Variants in ZFHX3 observed in about 807,000 individuals in gnomAD.
ZFHX3 encodes zinc finger homeobox protein 3.
Under a neutral mutation model 279.1 loss-of-function variants are expected in ZFHX3, and 42 were observed. That is an observed-to-expected ratio of 0.15 (90% CI 0.12 to 0.19). The LOEUF (loss-of-function observed/expected upper bound fraction) is 0.19. Among genes scored for constraint, ZFHX3 ranks in the 10% least tolerant of loss-of-function variants. The pLI, the probability that ZFHX3 is intolerant of heterozygous loss-of-function variation, is 1.00. For missense variants in ZFHX3, 4,981 were observed against 4,754.0 expected (o/e 1.05, Z -1.40); for synonymous variants, 2,293 against 1,957.8 (o/e 1.17, Z -4.52).
intron 4 of ZFHX3, among the ~76,000 whole-genome samples, chr16:73,273,599 A>T (rs2014211644): frequency 2.0e-5 from 3 of 152,232 alleles, no homozygotes; most frequent in Admixed American, 2.0e-4. Context: ...TTTACTTGAA[A>T]ATAAATCCCA....
In ZFHX3 at chr16:72,950,885, A is replaced by C. The variant is rs760920339; in HGVS notation, c.2800T>G (p.Phe934Val). ...SEELMNLGES[F>V]IQTNDPSLKL... ...AGCGACGGGTCGTTGGTCTGGATGA[A>C]GCTCTCGCCCAGGTTCATCAGCTCC... The change falls in exon 3 of 10, where the codon TTC (phenylalanine) becomes GTC (valine). Residue 934 changes from phenylalanine (F) to valine (V), a missense_variant. Transcript: ENST00000268489. 3 of 1,613,906 alleles carry C rather than the reference A, an allele frequency of 1.9e-6. No individual in the cohort carries two copies. The South Asian group carries it at 3.3e-5, about 18-fold the overall frequency.
rs190147104 is a variant in ZFHX3, at chr16:73,153,244, G to C, written c.-1103-9413C>G. On this transcript the variant is annotated intron_variant, in intron 5 of 17. Transcript: ENST00000641206. ...AACTTTGGATGTAAGAATCATCTTC[G>C]ATAAATAATTGCACCTTGGGATGAA... Among the ~76,000 whole-genome samples the C allele has an allele frequency of 1.2e-3, 189 of 152,266 alleles. 1 individual carries two copies. The highest frequency in any genetic ancestry group is 3.7e-4 in the Non-Finnish European group (25 of 68,020).
chr16:73,539,141 T>G (rs1435227843), intron 2 of ZFHX3, among the ~76,000 whole-genome samples: 1 of 152,052 alleles, frequency 6.6e-6, no homozygotes. Flanking sequence ...TTCTTTCTTT[T>G]TTTTTTGCCT....
intron 2 of ZFHX3, among the ~76,000 whole-genome samples, chr16:73,549,948 C>G (rs538061580): frequency 1.3e-5 from 2 of 151,834 alleles, no homozygotes; most frequent in Non-Finnish European, 2.9e-5. Flanking sequence ...TGGGTCTCCT[C>G]ACTCCTGTCT....
At chr16:73,845,012 G>T (rs951958423) in intron 1 of ZFHX3, among the ~76,000 whole-genome samples, 1 of 152,068 alleles carries the variant, frequency 6.6e-6, no homozygotes, top group African/African-American at 2.4e-5. Flanking sequence ...CAAAATGAGG[G>T]CTAAAGAAGG....
intron 1 of ZFHX3, among the ~76,000 whole-genome samples, chr16:73,790,231 T>G (rs1296858370): frequency 6.6e-6 from 1 of 151,458 alleles, no homozygotes; most frequent in African/African-American, 2.4e-5. Context: ...CTTACAGGGA[T>G]CTGAAACATC....
At chr16:73,779,110 C>T (rs960025836) in intron 1 of ZFHX3, among the ~76,000 whole-genome samples, 3 of 152,160 alleles carry the variant, frequency 2.0e-5, no homozygotes, top group East Asian at 1.9e-4. Flanking sequence ...ACACAGAACC[C>T]GTGTCTTGCA....
At chr16:73,055,865 C>CACACACACACACAG (rs1965545729) in intron 1 of ZFHX3, among the ~76,000 whole-genome samples, 1 of 151,900 alleles carries the variant, frequency 6.6e-6, no homozygotes, top group Non-Finnish European at 1.5e-5. Context: ...CACACACACA[C>CACACACACACACAG]ACACACACGC....
At chr16:72,867,295 A>T (rs548657939) in intron 4 of ZFHX3, among the ~76,000 whole-genome samples, 3 of 152,356 alleles carry the variant, frequency 2.0e-5, no homozygotes, top group East Asian at 1.9e-4. Flanking sequence ...AAAATTTAGA[A>T]GAAAAAACTG....
chr16:73,251,757 C>T (rs1597244226), intron 5 of ZFHX3, among the ~76,000 whole-genome samples: 1 of 110,828 alleles, frequency 9.0e-6, no homozygotes, highest in Non-Finnish European at 1.9e-5. Flanking sequence ...ATACACACCA[C>T]ACACACACAC....
intron 1 of ZFHX3, among the ~76,000 whole-genome samples, chr16:73,760,942 C>G (rs1597099324): frequency 6.6e-6 from 1 of 151,638 alleles, no homozygotes; most frequent in Non-Finnish European, 1.5e-5. Flanking sequence ...CTTTCACCAC[C>G]CCTATTCAAC....
intron 1 of ZFHX3, among the ~76,000 whole-genome samples, chr16:73,886,098 T>C (rs910858561): frequency 2.0e-5 from 3 of 152,162 alleles, no homozygotes; most frequent in Admixed American, 6.6e-5. Context: ...AGGTAACAAA[T>C]CGTCAATGAC....
chr16:72,786,158 T>TATCA lies in ZFHX3; in HGVS notation c.*1002_*1005dup, dbSNP rs978931427. ...TTAGGCGAATCAACGGATTGCAATC[T>TATCA]ATCATCTGCTAGGAATGAACAAGAC... On this transcript the variant is annotated 3_prime_UTR_variant, in exon 10 of 10. Coordinates refer to ENST00000268489, the MANE Select transcript of ZFHX3 (RefSeq NM_006885.4). The TATCA allele has an allele frequency of 3.3e-5, 5 of 151,924 alleles. No homozygotes were observed. Among genetic ancestry groups the TATCA allele is most frequent in the African/African-American group, 9.7e-5 (4 of 41,318 alleles). The allele number at this position is 151,924 out of a possible 1,614,324, so 9.4% of individuals were successfully genotyped here.
intron 4 of ZFHX3, among the ~76,000 whole-genome samples, chr16:73,276,725 T>G (rs534621546): frequency 1.3e-5 from 2 of 152,212 alleles, no homozygotes; most frequent in African/African-American, 4.8e-5. Context: ...TATTTTCTTA[T>G]TTTTTCAAAA....
At chr16:73,143,861 G>T (rs183221656) in intron 5 of ZFHX3, 4 of 1,127,946 alleles carry the variant, frequency 3.5e-6, no homozygotes, top group African/African-American at 3.2e-5. Flanking sequence ...ACAAAAACAC[G>T]GTTGGGGAGA....
At chr16:73,597,329 TG>T (rs2052061490) in intron 2 of ZFHX3, among the ~76,000 whole-genome samples, 1 of 152,218 alleles carries the variant, frequency 6.6e-6, no homozygotes, top group Admixed American at 6.5e-5. Flanking sequence ...CTCATCACTC[TG>T]TAGACTATCT....
intron 4 of ZFHX3, among the ~76,000 whole-genome samples, chr16:72,840,616 G>A (rs1035828759): frequency 5.9e-5 from 9 of 152,186 alleles, no homozygotes; most frequent in Non-Finnish European, 1.3e-4. Context: ...AGTCACATGA[G>A]GATACAAATG....
intron 1 of ZFHX3, among the ~76,000 whole-genome samples, chr16:73,031,079 A>G (rs1328716254): frequency 6.6e-6 from 1 of 152,202 alleles, no homozygotes; most frequent in Non-Finnish European, 1.5e-5. Flanking sequence ...TTTTAGGTAA[A>G]TAGGATATTT....
intron 1 of ZFHX3, among the ~76,000 whole-genome samples, chr16:73,817,901 C>A (rs1330833725): frequency 6.6e-6 from 1 of 152,180 alleles, no homozygotes; most frequent in East Asian, 1.9e-4. Flanking sequence ...ACCGAACCCC[C>A]CTCAAAGTGC....
Sources: gnomAD v4.1 joint callset for allele counts (sites outside exome capture counted in the v4.1 genomes callset) on GRCh38, gnomAD v4.1.1 for gene constraint, MANE v1.5 for transcripts, NCBI Gene and HGNC (gene_info 2026-07-23, HGNC 2026-07-21) for gene names.